Variants in ENG observed in about 807,000 individuals in gnomAD.
The protein encoded by ENG is endoglin.
In ENG, 17 loss-of-function variants were observed where a neutral mutation model predicts 71.0. The ratio of observed to expected loss-of-function variants is 0.24; its 90% CI spans 0.16 to 0.36. The LOEUF (loss-of-function observed/expected upper bound fraction) is 0.36. Ranked by LOEUF, ENG falls within the 10% of genes least tolerant of loss-of-function variation. The probability of loss-of-function intolerance (pLI) is 1.00; values close to 1 mark genes in which losing one functional copy is unlikely to be tolerated. For synonymous variants in ENG, 360 were observed against 366.9 expected, an observed-to-expected ratio of 0.98 and a Z score of 0.21; for missense variants, 749 against 868.3, an observed-to-expected ratio of 0.86 and a Z score of 1.73.
chr9:127,819,749 G>A, intron 9 of ENG, 89 bp from the exon 10 acceptor site: 2 of 1,588,954 alleles, frequency 1.3e-6, no homozygotes, highest in Non-Finnish European at 8.6e-7. Context: ...CAGATGGGGA[G>A]ACTAAGCCAA....
At position 127,854,346 on chromosome 9, in the gene ENG, C is replaced by T. The variant is rs1011684281; in HGVS notation, c.10G>A (p.Gly4Ser). 8.8e-6 allele frequency: 14 copies of T among 1,591,892 alleles called. No homozygotes were observed. The highest frequency in any genetic ancestry group is 3.4e-5 in the South Asian group (3 of 87,482). ...AGGGCAACAGCCAGAGGGAGCGTGCCGCGGTCCATGCTGTCCACGTGGGGG... is the reference window on the plus strand; with the variant it reads ...AGGGCAACAGCCAGAGGGAGCGTGCTGCGGTCCATGCTGTCCACGTGGGGG... MDR[G>S]TLPLAVALLL... Residue 4 changes from glycine (G) to serine (S), a missense_variant, in exon 1 of 15, where the codon GGC (glycine) becomes AGC (serine). By Grantham distance (56) the Gly-to-Ser change is moderately conservative. Coordinates refer to ENST00000373203, the MANE Select transcript of ENG (RefSeq NM_001114753.3).
intron 10 of ENG, chr9:127,819,243 T>C: frequency 3.2e-6 from 1 of 317,102 alleles, no homozygotes. Flanking sequence ...GGCCCTTTTT[T>C]TTTTTTTTAA....
In ENG at chr9:127,825,376, G is replaced by A. The variant is rs376188437; in HGVS notation, c.690-19C>T. On this transcript the variant is annotated intron_variant, in intron 5 of 14. Transcript: ENST00000373203. Reference sequence around the variant, plus strand: ...CCGGGGCCTGCGGGGAGACAGACGCGGATGGAACACTGAAGCGGACAGGCC... The same window carrying A: ...CCGGGGCCTGCGGGGAGACAGACGCAGATGGAACACTGAAGCGGACAGGCC... The A allele has an allele frequency of 8.7e-6, 14 of 1,608,118 alleles. No homozygotes were observed. The highest frequency in any genetic ancestry group is 3.4e-5 in the Admixed American group (2 of 59,664).
chr9:127,837,810 C>CCATCCATT (rs771035388), intron 2 of ENG, among the ~76,000 whole-genome samples: 1 of 151,076 alleles, frequency 6.6e-6, no homozygotes, highest in African/African-American at 2.4e-5. Context: ...ATCCATCCAT[C>CCATCCATT]CATCCAACAG....
chr9:127,835,153 T>C (rs1830866919), intron 2 of ENG, among the ~76,000 whole-genome samples: 1 of 151,984 alleles, frequency 6.6e-6, no homozygotes, highest in Non-Finnish European at 1.5e-5. Flanking sequence ...CATACACCAG[T>C]ATGCCTGGCT....
At chr9:127,824,242 G>C (rs1830543321) in intron 8 of ENG, 62 bp downstream of exon 8, 1 of 1,612,496 alleles carries the variant, frequency 6.2e-7, no homozygotes, top group Non-Finnish European at 8.5e-7. Context: ...CAAGAGTCTT[G>C]GGCTAGGGGA....
chr9:127,839,633 G>A (rs538360181), intron 2 of ENG, among the ~76,000 whole-genome samples: 1 of 152,282 alleles, frequency 6.6e-6, no homozygotes, highest in South Asian at 2.1e-4. Context: ...TCGGCTCACT[G>A]CAATCTCCAC....
intron 12 of ENG, 44 bp downstream of exon 12, chr9:127,818,076 G>A (rs763876489): frequency 6.2e-7 from 1 of 1,613,494 alleles, no homozygotes; most frequent in Non-Finnish European, 8.5e-7. Flanking sequence ...CCACAGACCT[G>A]GAAGCTCCCA....
At chr9:127,817,687 T>C (rs1000465559) in intron 12 of ENG, 11 of 347,940 alleles carry the variant, frequency 3.2e-5, no homozygotes, top group Non-Finnish European at 6.0e-5. Flanking sequence ...GGTCACCAGA[T>C]GGTGAAGTGT....
rs939791174 is a variant in ENG, at chr9:127,815,498, A to G, written c.*184T>C. 2.0e-5 allele frequency: 24 copies of G among 1,207,100 alleles called. No individual in the cohort carries two copies. Among genetic ancestry groups the G allele is most frequent in the Middle Eastern group, 2.9e-4 (1 of 3,508 alleles). The allele number at this position is 1,207,100 out of a possible 1,614,324, so 74.8% of individuals were successfully genotyped here. Reference sequence around the variant, plus strand: ...GGTTCTGTGGGGTGGAGGGACCCCAAGGTGTTCCAAGCCAGTGGCTGCACT... The same window carrying G: ...GGTTCTGTGGGGTGGAGGGACCCCAGGGTGTTCCAAGCCAGTGGCTGCACT... On this transcript the variant is annotated 3_prime_UTR_variant, in exon 15 of 15. Transcript: ENST00000373203.
chr9:127,825,640 G>C, intron 5 of ENG, 55 bp downstream of exon 5: 5 of 1,395,582 alleles, frequency 3.6e-6, no homozygotes, highest in Non-Finnish European at 4.7e-6. Context: ...GGGGGGGTCA[G>C]GGGGGTGGTC....
chr9:127,842,469 G>C (rs567779252), intron 2 of ENG, among the ~76,000 whole-genome samples: 2 of 151,110 alleles, frequency 1.3e-5, no homozygotes, highest in South Asian at 4.2e-4. Flanking sequence ...CTGTCACCAG[G>C]CCAGAGTGCA....
In ENG at chr9:127,824,847, A is replaced by G; in HGVS notation, c.944T>C (p.Val315Ala). Reference sequence around the variant, plus strand: ...GACAATGCTGGCCAGCGGTAGCTCCACGAAGGATGCCACAATGCTGGCATT... The same window carrying G: ...GACAATGCTGGCCAGCGGTAGCTCCGCGAAGGATGCCACAATGCTGGCATT... Reference protein sequence around the residue: ...MLNASIVASFVELPLASIVSL... With the variant: ...MLNASIVASFAELPLASIVSL... The change falls in exon 7 of 15, where the codon GTG (valine) becomes GCG (alanine). Residue 315 changes from valine (V) to alanine (A), a missense_variant. Coordinates refer to ENST00000373203, the MANE Select transcript of ENG (RefSeq NM_001114753.3). 1 of 1,603,938 alleles carries G rather than the reference A, an allele frequency of 6.2e-7. No individual in the cohort carries two copies. Among genetic ancestry groups the G allele is most frequent in the Non-Finnish European group, 8.5e-7 (1 of 1,175,062 alleles).
At chr9:127,843,771 T>G (rs71481319) in intron 1 of ENG, among the ~76,000 whole-genome samples, 16 of 71,738 alleles carry the variant, frequency 2.2e-4, no homozygotes, top group Admixed American at 1.0e-3. Flanking sequence ...TTTTTTTTTT[T>G]TTTTTTTTTT....
In ENG at chr9:127,834,842, G is replaced by A. The variant is rs183283824; in HGVS notation, c.220-5015C>T. On this transcript the variant is annotated intron_variant, in intron 2 of 14. Coordinates refer to ENST00000373203, the MANE Select transcript of ENG (RefSeq NM_001114753.3). Reference sequence around the variant, plus strand: ...TGAGCCACTGCGCCCAGTTAGGTTGGTTATTTTTAAATAATTATTTTATGC... The same window carrying A: ...TGAGCCACTGCGCCCAGTTAGGTTGATTATTTTTAAATAATTATTTTATGC... Among the ~76,000 whole-genome samples, 475 of 151,398 alleles carry A rather than the reference G, an allele frequency of 3.1e-3. 3 individuals are homozygous for A. Among genetic ancestry groups the A allele is most frequent in the Non-Finnish European group, 4.9e-3 (332 of 67,842 alleles).
chr9:127,830,450 C>G (rs1588586520), intron 2 of ENG, among the ~76,000 whole-genome samples: 1 of 151,428 alleles, frequency 6.6e-6, no homozygotes, highest in East Asian at 1.9e-4. Flanking sequence ...CGAGACTAGT[C>G]TGTCCAACAT....
At chr9:127,842,226 T>C (rs1831052058) in intron 2 of ENG, among the ~76,000 whole-genome samples, 1 of 78 alleles carries the variant, frequency 0.013, no homozygotes, top group African/African-American at 0.014. Context: ...TTTTCTTTTC[T>C]TTTTTTTTTT....
Position 127,815,706 on chromosome 9 carries a change from G to GGGGGTGCTC in ENG, c.1944_1952dup (p.Ser649_Pro651dup), listed in dbSNP as rs754066649. ...GCTATGCCATGCTGCTGGTGGAGCA[G>GGGGGTGCTC]GGGGTGCTCTGGGTGCTCCCGATGC... On this transcript the variant is annotated inframe_insertion, in exon 15 of 15. Coordinates refer to ENST00000373203, the MANE Select transcript of ENG (RefSeq NM_001114753.3). 3.8e-5 allele frequency: 59 copies of GGGGGTGCTC among 1,564,198 alleles called. No homozygotes were observed. The African/African-American group carries it at 7.0e-4, about 19-fold the overall frequency.
At position 127,849,026 on chromosome 9, in the gene ENG, T is replaced by C. The variant is rs527730010; in HGVS notation, c.67+5263A>G. 5.3e-5 allele frequency among the ~76,000 whole-genome samples: 8 copies of C among 152,316 alleles called. No individual in the cohort carries two copies. The South Asian group carries it at 1.4e-3, about 28-fold the overall frequency. The stretch of plus-strand genomic sequence containing the variant: ...TCCTGACTCATCCTGGTCATGTGCT[T>C]TGACCTCACAAACCCCTGGTCACCT... On this transcript the variant is annotated intron_variant, in intron 1 of 14. Coordinates refer to ENST00000373203, the MANE Select transcript of ENG (RefSeq NM_001114753.3).
Sources: allele counts gnomAD v4.1 joint callset (sites outside exome capture counted in the v4.1 genomes callset), GRCh38; gene constraint gnomAD v4.1.1; transcripts MANE v1.5; gene names NCBI Gene and HGNC (gene_info 2026-07-23, HGNC 2026-07-21).